The following SND1 variants were observed in gnomAD, a reference collection of about 807,000 sequenced individuals.
SND1 encodes staphylococcal nuclease domain-containing protein 1.
A neutral mutation model predicts 121.7 loss-of-function variants in SND1; 38 were observed. The ratio of observed to expected loss-of-function variants is 0.31; its 90% CI spans 0.24 to 0.41. The LOEUF (loss-of-function observed/expected upper bound fraction) is 0.41, where lower values mean the gene tolerates loss of function less well. Among genes scored for constraint, SND1 ranks in the 10% least tolerant of loss-of-function variants. The probability of loss-of-function intolerance (pLI) is 1.00; values close to 1 mark genes in which losing one functional copy is unlikely to be tolerated. For synonymous variants in SND1, 401 were observed against 447.4 expected (o/e 0.90, Z 1.31); for missense variants, 868 against 1,184.6 (o/e 0.73, Z 3.92).
intron 12 of SND1, among the ~76,000 whole-genome samples, chr7:127,856,853 A>G (rs899552662): frequency 2.0e-5 from 3 of 152,136 alleles, no homozygotes; most frequent in Admixed American, 6.5e-5. Flanking sequence ...TTTTTTTTAC[A>G]CCAAGAAGCA....
chr7:127,687,479 C>A (rs1259469019), intron 2 of SND1, among the ~76,000 whole-genome samples: 1 of 152,120 alleles, frequency 6.6e-6, no homozygotes, highest in Non-Finnish European at 1.5e-5. Context: ...TCCTTCTCCC[C>A]TTTTGGAGTC....
Position 127,799,049 on chromosome 7 carries a change from C to T in SND1, c.1153-8435C>T, listed in dbSNP as rs540912227. On this transcript the variant is annotated intron_variant, in intron 10 of 23. Transcript: ENST00000354725. ...AACATAGCGAGACTGTGTTAAAGAA[C>T]AAAAATTAAAAAGCACGTTTGTGGG... 3.3e-5 allele frequency among the ~76,000 whole-genome samples: 5 copies of T among 152,234 alleles called. No individual in the cohort carries two copies. In the East Asian group the frequency reaches 9.7e-4, roughly 29 times the overall value.
intron 13 of SND1, among the ~76,000 whole-genome samples, chr7:127,900,590 A>G (rs1300072377): frequency 2.0e-5 from 3 of 152,204 alleles, no homozygotes; most frequent in African/African-American, 7.2e-5. Flanking sequence ...GCAGCAGCTA[A>G]TATGTGAGAG....
At chr7:127,823,052 A>G (rs752723176) in intron 11 of SND1, among the ~76,000 whole-genome samples, 9 of 152,232 alleles carry the variant, frequency 5.9e-5, no homozygotes, top group Non-Finnish European at 1.3e-4. Flanking sequence ...GAAAATTAAG[A>G]ACAGAGAGCA....
intron 15 of SND1, among the ~76,000 whole-genome samples, chr7:127,971,995 G>A (rs561730830): frequency 6.6e-5 from 10 of 151,412 alleles, no homozygotes; most frequent in South Asian, 2.1e-4. Context: ...GGCTGGTCTC[G>A]AACTCCTGAG....
intron 10 of SND1, among the ~76,000 whole-genome samples, chr7:127,793,868 A>G (rs1426156992): frequency 2.6e-5 from 4 of 152,142 alleles, no homozygotes; most frequent in Non-Finnish European, 5.9e-5. Flanking sequence ...AGGTGCAACC[A>G]ACTGGAGAAA....
At chr7:128,035,956 A>G (rs142143075) in intron 16 of SND1, among the ~76,000 whole-genome samples, 164 of 152,328 alleles carry the variant, frequency 1.1e-3, no homozygotes, top group Non-Finnish European at 2.1e-3. Flanking sequence ...TCCAGGAGTG[A>G]GCTGGGTATC....
intron 10 of SND1, among the ~76,000 whole-genome samples, chr7:127,727,388 C>T (rs1166588404): frequency 1.3e-5 from 2 of 152,170 alleles, no homozygotes; most frequent in East Asian, 3.8e-4. Context: ...GGGTGCTTTG[C>T]CATTAAAAGC....
At chr7:127,696,084 T>G (rs1796001968) in intron 3 of SND1, among the ~76,000 whole-genome samples, 1 of 152,222 alleles carries the variant, frequency 6.6e-6, no homozygotes, top group South Asian at 2.1e-4. Context: ...AGAATTTTTT[T>G]TAAGTTTCCT....
intron 22 of SND1, 80 bp downstream of exon 22, chr7:128,089,772 G>A (rs1318736285): frequency 5.4e-6 from 7 of 1,287,194 alleles, no homozygotes; most frequent in African/African-American, 4.4e-5. Flanking sequence ...GCCAGGAAGG[G>A]AGCAGGGAAT....
intron 17 of SND1, among the ~76,000 whole-genome samples, chr7:128,080,939 C>T (rs1175724621): frequency 6.6e-6 from 1 of 151,800 alleles, no homozygotes; most frequent in Admixed American, 6.6e-5. Context: ...ATCGAGTGCC[C>T]CACAGTCACT....
At chr7:127,821,317 A>T (rs922910734) in intron 11 of SND1, among the ~76,000 whole-genome samples, 1 of 152,110 alleles carries the variant, frequency 6.6e-6, no homozygotes, top group African/African-American at 2.4e-5. Flanking sequence ...GTGCTTGGCC[A>T]TTGTTTCAGT....
intron 16 of SND1, among the ~76,000 whole-genome samples, chr7:128,042,797 G>C (rs1792878368): frequency 6.6e-6 from 1 of 152,242 alleles, no homozygotes; most frequent in Non-Finnish European, 1.5e-5. Flanking sequence ...GACCAGGCCT[G>C]TCAGCACCAC....
intron 11 of SND1, among the ~76,000 whole-genome samples, chr7:127,820,070 C>A (rs1236017241): frequency 1.3e-5 from 2 of 152,232 alleles, no homozygotes; most frequent in Non-Finnish European, 2.9e-5. Context: ...TCTTTCTCCA[C>A]CTCTGCTTAT....
chr7:127,678,592 A>G (rs1007499336), intron 1 of SND1, among the ~76,000 whole-genome samples: 4 of 152,116 alleles, frequency 2.6e-5, no homozygotes, highest in African/African-American at 7.2e-5. Context: ...ACACATACGC[A>G]CACACACACA....
chr7:128,010,647 G>A (rs920172335), intron 16 of SND1, among the ~76,000 whole-genome samples: 4 of 152,276 alleles, frequency 2.6e-5, no homozygotes, highest in African/African-American at 9.6e-5. Context: ...GTGAACCTCA[G>A]GGAAGTCAAG....
At position 127,939,148 on chromosome 7, in the gene SND1, C is replaced by T. The variant is rs551856639; in HGVS notation, c.1669+9819C>T. Among the ~76,000 whole-genome samples, 45 of 152,196 alleles carry T rather than the reference C, an allele frequency of 3.0e-4. 1 individual carries two copies. The South Asian group carries it at 8.9e-3, about 30-fold the overall frequency. ...TGTTTCAAAACTCGGAAATACAGAA[C>T]GCAGAGAGGAGTGGAGCCAGGTACT... On this transcript the variant is annotated intron_variant, in intron 15 of 23. Coordinates refer to ENST00000354725, the MANE Select transcript of SND1 (RefSeq NM_014390.4).
intron 20 of SND1, chr7:128,086,373 A>G (rs73721296): frequency 0.016 from 2,972 of 180,368 alleles, 109 homozygotes; most frequent in African/African-American, 0.067. Flanking sequence ...CGTACCTCCC[A>G]TGCCTTCCTC....
At chr7:127,937,249 T>G (rs1256964231) in intron 15 of SND1, among the ~76,000 whole-genome samples, 1 of 152,178 alleles carries the variant, frequency 6.6e-6, no homozygotes, top group African/African-American at 2.4e-5. Context: ...GCCAGTCACC[T>G]TGCATGGAAC....
Sources: allele counts gnomAD v4.1 joint callset (sites outside exome capture counted in the v4.1 genomes callset), GRCh38; gene constraint gnomAD v4.1.1; transcripts MANE v1.5; gene names NCBI Gene and HGNC (gene_info 2026-07-23, HGNC 2026-07-21).